Variants in MTARC1 observed in about 807,000 individuals in gnomAD.
The protein encoded by MTARC1 is mitochondrial amidoxime-reducing component 1.
MTARC1 carries 24 observed loss-of-function variants against 33.6 expected under a neutral mutation model. That is an observed-to-expected ratio of 0.72 (90% CI 0.52 to 1.01). The LOEUF is 1.01. Ranked by LOEUF, MTARC1 falls within the 50% of genes least tolerant of loss-of-function variation. The pLI, the probability that MTARC1 is intolerant of heterozygous loss-of-function variation, is 0.00. For missense variants in MTARC1, 417 were observed against 445.7 expected, an observed-to-expected ratio of 0.94 and a Z score of 0.58; for synonymous variants, 187 against 189.5, an observed-to-expected ratio of 0.99 and a Z score of 0.11.
rs182808243 is a variant in MTARC1 at position 220,796,237 on chromosome 1, C to A, written c.450-406C>A. Among the ~76,000 whole-genome samples, 552 of 152,152 alleles carry A rather than the reference C, an allele frequency of 3.6e-3. 8 individuals carry two copies. Among genetic ancestry groups the A allele is most frequent in the African/African-American group, 0.011 (475 of 41,510 alleles). On this transcript the variant is annotated intron_variant, in intron 2 of 6. Coordinates refer to ENST00000366910, the MANE Select transcript of MTARC1 (RefSeq NM_022746.4). ...ACTATACTGGCAAAGCATAGCCAGGCCTGTGAATAAAGATTTCTGGTCGCT... is the reference window on the plus strand; with the variant it reads ...ACTATACTGGCAAAGCATAGCCAGGACTGTGAATAAAGATTTCTGGTCGCT...
At chr1:220,801,708 C>T (rs943729826) in intron 4 of MTARC1, among the ~76,000 whole-genome samples, 9 of 151,982 alleles carry the variant, frequency 5.9e-5, no homozygotes, top group Non-Finnish European at 1.3e-4. Context: ...TGACTGAATC[C>T]GATTTGCATG....
chr1:220,793,787 G>A (rs1672512397), intron 2 of MTARC1: 1 of 152,092 alleles, frequency 6.6e-6, no homozygotes, highest in Non-Finnish European at 1.5e-5. Flanking sequence ...AAGGGTCAAA[G>A]GTTATAGGAG....
At chr1:220,800,933 A>G (rs956894878) in intron 4 of MTARC1, among the ~76,000 whole-genome samples, 2 of 151,600 alleles carry the variant, frequency 1.3e-5, no homozygotes, top group East Asian at 3.9e-4. Flanking sequence ...TGCAGTCACC[A>G]CTGGTGCTGC....
At chr1:220,798,877 G>A (rs1672702479) in intron 4 of MTARC1, 1 of 985,318 alleles carries the variant, frequency 1.0e-6, no homozygotes, top group South Asian at 4.7e-5. Flanking sequence ...TTTATCCTCA[G>A]AGGAGCCAAT....
chr1:220,800,364 G>T (rs964637511), intron 4 of MTARC1, among the ~76,000 whole-genome samples: 2 of 152,274 alleles, frequency 1.3e-5, no homozygotes, highest in African/African-American at 2.4e-5. Context: ...TGAGAACAAG[G>T]GTTGAAGAAA....
intron 1 of MTARC1, 40 bp from the exon 2 acceptor site, chr1:220,791,451 C>A: frequency 6.3e-7 from 1 of 1,598,944 alleles, no homozygotes; most frequent in South Asian, 1.1e-5. Flanking sequence ...GGCTTCCTGC[C>A]ATAATGGTTC....
At chr1:220,787,272 G>T (rs1672265311) in intron 1 of MTARC1, 53 bp downstream of exon 1, 3 of 1,510,110 alleles carry the variant, frequency 2.0e-6, no homozygotes, top group Non-Finnish European at 2.6e-6. Flanking sequence ...GGGCAAGGGG[G>T]TGAGAAGGGA....
intron 2 of MTARC1, 62 bp from the exon 3 acceptor site, chr1:220,796,581 A>G: frequency 3.4e-6 from 5 of 1,480,688 alleles, no homozygotes; most frequent in Non-Finnish European, 9.0e-7. Flanking sequence ...TATAGCTGGC[A>G]CATATTAGGG....
At position 220,786,990 on chromosome 1, in the gene MTARC1, G is replaced by A. The variant is rs1409238416; in HGVS notation, c.46G>A (p.Ala16Thr). The part of the protein sequence containing the change: ...SSALARFVLL[A>T]QSRPGWLGVA... ...CGCGCTGGCGCGCTTTGTCCTCCTCGCGCAATCCCGGCCCGGGTGGCTCGG... is the reference window on the plus strand; with the variant it reads ...CGCGCTGGCGCGCTTTGTCCTCCTCACGCAATCCCGGCCCGGGTGGCTCGG... The change falls in exon 1 of 7, where the codon GCG becomes ACG. Residue 16 changes from alanine (A) to threonine (T), a missense_variant. Physicochemically the swap from Ala to Thr is moderately conservative, Grantham distance 58. Transcript: ENST00000366910. 5.5e-6 allele frequency: 7 copies of A among 1,283,656 alleles called. No individual in the cohort carries two copies. The South Asian group carries it at 2.1e-4, about 38-fold the overall frequency. The allele number at this position is 1,283,656 out of a possible 1,614,324, so 79.5% of individuals were successfully genotyped here.
chr1:220,787,964 C>A (rs184248261), intron 1 of MTARC1, among the ~76,000 whole-genome samples: 2 of 151,988 alleles, frequency 1.3e-5, no homozygotes, highest in African/African-American at 4.8e-5. Flanking sequence ...GCCAGGATTG[C>A]GCCACTGCAC....
intron 4 of MTARC1, among the ~76,000 whole-genome samples, chr1:220,801,347 C>T (rs528103750): frequency 3.5e-5 from 4 of 112,918 alleles, no homozygotes; most frequent in African/African-American, 1.0e-4. Context: ...CTCACCCAGC[C>T]CCCCCCACAG....
Position 220,813,397 on chromosome 1 carries a change from T to C in MTARC1, c.993T>C (p.Pro331=), listed in dbSNP as rs1402639599. ...ENPGTIKVGD[P]VYLLGQ Reference sequence around the variant, plus strand: ...CAGGGACCATCAAAGTGGGAGACCCTGTGTACCTGCTGGGCCAGTAATGGG... The same window carrying C: ...CAGGGACCATCAAAGTGGGAGACCCCGTGTACCTGCTGGGCCAGTAATGGG... Residue 331 remains proline, a synonymous_variant, in exon 7 of 7, where the codon CCT becomes CCC. Coordinates refer to ENST00000366910, the MANE Select transcript of MTARC1 (RefSeq NM_022746.4). 2 of 1,614,180 alleles carry C rather than the reference T, an allele frequency of 1.2e-6. No homozygotes were observed. The highest frequency in any genetic ancestry group is 8.5e-7 in the Non-Finnish European group (1 of 1,180,018).
chr1:220,807,999 G>A (rs895842300), intron 6 of MTARC1, among the ~76,000 whole-genome samples: 1 of 152,090 alleles, frequency 6.6e-6, no homozygotes, highest in Admixed American at 6.5e-5. Flanking sequence ...AAATAAAGGA[G>A]GCAGGACAGA....
intron 6 of MTARC1, among the ~76,000 whole-genome samples, chr1:220,810,134 G>T (rs1673083930): frequency 6.6e-6 from 1 of 152,180 alleles, no homozygotes; most frequent in Admixed American, 6.5e-5. Context: ...TAAGGAGAAA[G>T]TGCACTAAGG....
rs565346282 is a variant in MTARC1, at chr1:220,813,426, C to T, written c.*8C>T. ...TACCTGCTGGGCCAGTAATGGGAAC[C>T]GTATGTCCTGGAATATTAGATGCCT... On this transcript the variant is annotated 3_prime_UTR_variant, in exon 7 of 7. Transcript: ENST00000366910. 2.6e-4 allele frequency: 412 copies of T among 1,614,000 alleles called. 6 individuals carry two copies. In the South Asian group the frequency reaches 3.2e-3, roughly 13 times the overall value.
At chr1:220,804,793 C>T (rs143829442) in intron 4 of MTARC1, among the ~76,000 whole-genome samples, 1 of 145,336 alleles carries the variant, frequency 6.9e-6, no homozygotes, top group East Asian at 2.1e-4. Context: ...CTGAGCGAGG[C>T]GAGTTTCCAT....
intron 4 of MTARC1, among the ~76,000 whole-genome samples, chr1:220,800,193 C>T (rs534842170): frequency 2.4e-4 from 37 of 151,946 alleles, no homozygotes; most frequent in Admixed American, 5.9e-4. Context: ...TCTAAAAACC[C>T]GTATCTCTCT....
intron 1 of MTARC1, among the ~76,000 whole-genome samples, chr1:220,788,197 G>A (rs560973217): frequency 1.8e-4 from 27 of 152,280 alleles, no homozygotes; most frequent in African/African-American, 6.5e-4. Context: ...TTAATGTCCT[G>A]TCTGGGTTCT....
chr1:220,787,108 T>A lies in MTARC1; in HGVS notation c.164T>A (p.Val55Glu). The A allele has an allele frequency of 6.5e-7, 1 of 1,534,868 alleles. No homozygotes were observed. The highest frequency in any genetic ancestry group is 8.7e-7 in the Non-Finnish European group (1 of 1,143,474). The change falls in exon 1 of 7, where the codon GTG becomes GAG. Residue 55 changes from valine to glutamate, a missense_variant. Transcript: ENST00000366910. ...PTRRRRLLQQ[V>E]GTVAQLWIYP... The stretch of plus-strand genomic sequence containing the variant: ...CGGCGCCGGCGGCTGCTGCAGCAGG[T>A]GGGCACAGTGGCGCAGCTCTGGATC...
Sources: allele counts gnomAD v4.1 joint callset (sites outside exome capture counted in the v4.1 genomes callset), GRCh38; gene constraint gnomAD v4.1.1; transcripts MANE v1.5; gene names NCBI Gene and HGNC (gene_info 2026-07-23, HGNC 2026-07-21).